Variants in RNF180 observed in about 807,000 individuals in gnomAD.
The protein encoded by RNF180 is E3 ubiquitin-protein ligase RNF180.
Under a neutral mutation model 59.2 loss-of-function variants are expected in RNF180, and 38 were observed. The observed-to-expected ratio is 0.64, with a 90% CI of 0.50 to 0.84. The LOEUF (loss-of-function observed/expected upper bound fraction) is 0.84. Among genes scored for constraint, RNF180 ranks in the 40% least tolerant of loss-of-function variants. The probability of loss-of-function intolerance (pLI) is 0.00; values close to 1 mark genes in which losing one functional copy is unlikely to be tolerated. For synonymous variants in RNF180, 262 were observed against 240.3 expected, an observed-to-expected ratio of 1.09 and a Z score of -0.84; for missense variants, 705 against 700.9, an observed-to-expected ratio of 1.01 and a Z score of -0.07.
At chr5:64,169,493 C>T (rs1223816910) in intron 1 of RNF180, among the ~76,000 whole-genome samples, 2 of 152,170 alleles carry the variant, frequency 1.3e-5, no homozygotes, top group African/African-American at 4.8e-5. Context: ...GAATGCAGCA[C>T]ACTAGGGAGA....
chr5:64,369,121 T>A (rs1429683215), intron 7 of RNF180, among the ~76,000 whole-genome samples: 1 of 152,074 alleles, frequency 6.6e-6, no homozygotes, highest in Non-Finnish European at 1.5e-5. Context: ...CATGGAATAC[T>A]ATGCAGCCAT....
intron 7 of RNF180, among the ~76,000 whole-genome samples, chr5:64,336,264 A>G (rs1745120610): frequency 6.6e-6 from 1 of 152,142 alleles, no homozygotes; most frequent in African/African-American, 2.4e-5. Context: ...ATGGTCTTAT[A>G]TATTGCATTG....
intron 5 of RNF180, among the ~76,000 whole-genome samples, chr5:64,280,611 G>T (rs1042543720): frequency 6.6e-6 from 1 of 151,734 alleles, no homozygotes; most frequent in Non-Finnish European, 1.5e-5. Context: ...AGATCAGATG[G>T]TTTTAGGTGT....
intron 1 of RNF180, among the ~76,000 whole-genome samples, chr5:64,198,538 C>T (rs1751569191): frequency 6.6e-6 from 1 of 152,032 alleles, no homozygotes; most frequent in South Asian, 2.1e-4. Flanking sequence ...TTTCCTACTA[C>T]ATAGTTGTAC....
At chr5:64,242,536 A>G (rs559464579) in intron 5 of RNF180, among the ~76,000 whole-genome samples, 2 of 152,322 alleles carry the variant, frequency 1.3e-5, no homozygotes, top group East Asian at 3.9e-4. Context: ...AATAAGGTGA[A>G]GTAATAATAC....
intron 5 of RNF180, among the ~76,000 whole-genome samples, chr5:64,232,779 A>G (rs1742177960): frequency 6.6e-6 from 1 of 152,242 alleles, no homozygotes; most frequent in Non-Finnish European, 1.5e-5. Context: ...ACTGTGTGCC[A>G]GGTACTGCTC....
intron 4 of RNF180, among the ~76,000 whole-genome samples, chr5:64,214,743 A>G (rs1004333677): frequency 3.9e-5 from 6 of 152,052 alleles, no homozygotes; most frequent in East Asian, 3.9e-4. Context: ...CTTTTGTGCA[A>G]TTTTTCGCAA....
At chr5:64,300,119 A>AT (rs1743084605) in intron 5 of RNF180, among the ~76,000 whole-genome samples, 1 of 151,816 alleles carries the variant, frequency 6.6e-6, no homozygotes, top group South Asian at 2.1e-4. Flanking sequence ...GGCAATTTGA[A>AT]TACACCAAAG....
intron 5 of RNF180, among the ~76,000 whole-genome samples, chr5:64,265,814 G>A (rs1744638119): frequency 6.6e-6 from 1 of 152,152 alleles, no homozygotes; most frequent in African/African-American, 2.4e-5. Flanking sequence ...ACTTTGGGCA[G>A]TATGGCCATT....
chr5:64,352,443 A>G (rs1053422720), intron 7 of RNF180, among the ~76,000 whole-genome samples: 2 of 151,866 alleles, frequency 1.3e-5, no homozygotes, highest in Non-Finnish European at 2.9e-5. Flanking sequence ...GCTTTCTGCT[A>G]GCTTTTGATA....
intron 5 of RNF180, among the ~76,000 whole-genome samples, chr5:64,317,615 C>A (rs1357817308): frequency 8.8e-6 from 1 of 113,640 alleles, no homozygotes; most frequent in Non-Finnish European, 1.6e-5. Flanking sequence ...CACACACACA[C>A]ACATATATAC....
intron 5 of RNF180, among the ~76,000 whole-genome samples, chr5:64,272,169 C>T (rs1452799588): frequency 6.6e-6 from 1 of 151,964 alleles, no homozygotes. Flanking sequence ...ATGTAAAATT[C>T]AAACTATGAT....
At chr5:64,254,567 AAATT>A (rs1420495617) in intron 5 of RNF180, among the ~76,000 whole-genome samples, 1 of 152,186 alleles carries the variant, frequency 6.6e-6, no homozygotes, top group East Asian at 1.9e-4. Flanking sequence ...GACATCAAAT[AAATT>A]GAGTTTTGTA....
At chr5:64,308,098 A>G (rs1435146701) in intron 5 of RNF180, among the ~76,000 whole-genome samples, 2 of 151,802 alleles carry the variant, frequency 1.3e-5, no homozygotes, top group Admixed American at 1.3e-4. Flanking sequence ...GAAGAAAGCC[A>G]AGGCTATTCT....
chr5:64,228,643 GTTCTA>G (rs1741917309), intron 5 of RNF180, among the ~76,000 whole-genome samples: 1 of 151,972 alleles, frequency 6.6e-6, no homozygotes, highest in Non-Finnish European at 1.5e-5. Context: ...GTTATTTTCT[GTTCTA>G]TTTTATGTCT....
chr5:64,367,931 A>C (rs1746512996), intron 7 of RNF180, among the ~76,000 whole-genome samples: 4 of 151,740 alleles, frequency 2.6e-5, no homozygotes, highest in Non-Finnish European at 3.0e-5. Flanking sequence ...CAGAGAATTG[A>C]ATTTTGTTTT....
chr5:64,256,083 G>T (rs982870193), intron 5 of RNF180, among the ~76,000 whole-genome samples: 18 of 152,172 alleles, frequency 1.2e-4, no homozygotes, highest in Middle Eastern at 3.4e-3. Flanking sequence ...TGAGTTCATT[G>T]TAGATTCTGG....
intron 1 of RNF180, 138 bp downstream of exon 1, chr5:64,166,091 G>A (rs1208097296): frequency 6.6e-6 from 1 of 152,296 alleles, no homozygotes; most frequent in Non-Finnish European, 1.5e-5. Context: ...CAAGGGGCTG[G>A]GCTAGGGTTG....
chr5:64,179,763 G>A (rs1750469212), intron 1 of RNF180, among the ~76,000 whole-genome samples: 1 of 152,068 alleles, frequency 6.6e-6, no homozygotes, highest in African/African-American at 2.4e-5. Context: ...CCTAGAAGTA[G>A]AACTGCACAT....
Sources: allele counts gnomAD v4.1 joint callset (sites outside exome capture counted in the v4.1 genomes callset), GRCh38; gene constraint gnomAD v4.1.1; transcripts MANE v1.5; gene names NCBI Gene and HGNC (gene_info 2026-07-23, HGNC 2026-07-21).